Variants in AHCYL2 observed in about 807,000 individuals in gnomAD.
AHCYL2 encodes adenosylhomocysteinase like 2.
A neutral mutation model predicts 81.4 loss-of-function variants in AHCYL2; 28 were observed. The ratio of observed to expected loss-of-function variants is 0.34; its 90% CI spans 0.25 to 0.47. The LOEUF (loss-of-function observed/expected upper bound fraction) is 0.47, where lower values mean the gene tolerates loss of function less well. AHCYL2 is among the 20% of genes least tolerant of loss of function. AHCYL2 has a pLI of 1.00. For synonymous variants in AHCYL2, 272 were observed against 290.2 expected (o/e 0.94, Z 0.64); for missense variants, 551 against 785.1 (o/e 0.70, Z 3.56).
chr7:129,243,707 G>A (rs1018167410), intron 1 of AHCYL2, among the ~76,000 whole-genome samples: 2 of 151,566 alleles, frequency 1.3e-5, no homozygotes, highest in Non-Finnish European at 2.9e-5. Context: ...TCAGCCTCCC[G>A]AGTAGCTGGG....
intron 1 of AHCYL2, among the ~76,000 whole-genome samples, chr7:129,364,111 C>T (rs1442780489): frequency 1.3e-5 from 2 of 151,822 alleles, no homozygotes; most frequent in Admixed American, 1.3e-4. Flanking sequence ...TGGTGGTGCA[C>T]ACCTGTAGTC....
chr7:129,388,831 T>G, intron 2 of AHCYL2: 2 of 462,118 alleles, frequency 4.3e-6, no homozygotes, highest in Non-Finnish European at 3.8e-6. Flanking sequence ...GTTCTGAAGA[T>G]AAAGTTAGCC....
At chr7:129,318,717 A>G (rs946598737) in intron 1 of AHCYL2, among the ~76,000 whole-genome samples, 29 of 152,296 alleles carry the variant, frequency 1.9e-4, no homozygotes, top group East Asian at 7.7e-4. Context: ...ACCATGGGAG[A>G]ATTAAAAAAC....
intron 1 of AHCYL2, among the ~76,000 whole-genome samples, chr7:129,245,908 C>T (rs182322039): frequency 2.0e-5 from 3 of 152,132 alleles, no homozygotes; most frequent in East Asian, 1.9e-4. Context: ...TTATTTCTGA[C>T]GTTTTGCAAA....
At chr7:129,298,402 C>A (rs1352811029) in intron 1 of AHCYL2, among the ~76,000 whole-genome samples, 2 of 152,176 alleles carry the variant, frequency 1.3e-5, no homozygotes, top group Non-Finnish European at 2.9e-5. Flanking sequence ...ATTTCCGTTA[C>A]AACTGGTATC....
At chr7:129,306,193 C>G (rs1797435328) in intron 1 of AHCYL2, among the ~76,000 whole-genome samples, 1 of 152,170 alleles carries the variant, frequency 6.6e-6, no homozygotes, top group Non-Finnish European at 1.5e-5. Flanking sequence ...ATGTCTGTCT[C>G]TACCTTCTCT....
intron 1 of AHCYL2, among the ~76,000 whole-genome samples, chr7:129,327,874 G>A (rs1034474587): frequency 6.6e-6 from 1 of 151,752 alleles, no homozygotes; most frequent in African/African-American, 2.4e-5. Flanking sequence ...ACTCACTGCA[G>A]CCTCAAACTC....
chr7:129,365,551 C>T (rs1409479220), intron 1 of AHCYL2, among the ~76,000 whole-genome samples: 1 of 150,426 alleles, frequency 6.6e-6, no homozygotes, highest in Admixed American at 6.7e-5. Context: ...ATTCCAAAAC[C>T]AGTGTTCATG....
chr7:129,289,703 T>C (rs913573760), intron 1 of AHCYL2, among the ~76,000 whole-genome samples: 10 of 152,194 alleles, frequency 6.6e-5, no homozygotes, highest in African/African-American at 2.4e-4. Context: ...CATAAACTCT[T>C]GGGTTTAAAC....
chr7:129,413,120 G>T (rs1443094815), intron 11 of AHCYL2, among the ~76,000 whole-genome samples: 1 of 150,074 alleles, frequency 6.7e-6, no homozygotes, highest in Admixed American at 6.6e-5. Flanking sequence ...GGGATAACAG[G>T]CATGAGTGAG....
chr7:129,293,204 T>G (rs1796930773), intron 1 of AHCYL2, among the ~76,000 whole-genome samples: 1 of 152,070 alleles, frequency 6.6e-6, no homozygotes, highest in South Asian at 2.1e-4. Context: ...TTGTAATGGT[T>G]GCGGAAAAGG....
At chr7:129,314,011 C>T (rs373483180) in intron 1 of AHCYL2, among the ~76,000 whole-genome samples, 19 of 152,108 alleles carry the variant, frequency 1.2e-4, no homozygotes, top group African/African-American at 3.9e-4. Context: ...AAAAAGGAGT[C>T]GAGATCAAGT....
intron 1 of AHCYL2, among the ~76,000 whole-genome samples, chr7:129,293,213 G>A (rs766984764): frequency 5.3e-5 from 8 of 151,886 alleles, no homozygotes; most frequent in Non-Finnish European, 7.4e-5. Flanking sequence ...TTGCGGAAAA[G>A]GAATTTTTAA....
Position 129,225,121 on chromosome 7 carries a change from T to A in AHCYL2, c.45T>A (p.Pro15=). ...VVSAAAAAKV[P]EVELKDLSPS... is the part of the protein sequence containing the mutation. Reference sequence around the variant, plus strand: ...CAGCCGCGGCTGCCGCCAAGGTGCCTGAGGTGGAGCTGAAGGACCTGAGCC... The same window carrying A: ...CAGCCGCGGCTGCCGCCAAGGTGCCAGAGGTGGAGCTGAAGGACCTGAGCC... Residue 15 remains proline, a synonymous_variant, in exon 1 of 17, where the codon CCT becomes CCA. Coordinates refer to ENST00000325006, the MANE Select transcript of AHCYL2 (RefSeq NM_015328.4). 3.1e-6 allele frequency: 5 copies of A among 1,602,228 alleles called. No homozygotes were observed. Among genetic ancestry groups the A allele is most frequent in the Non-Finnish European group, 4.3e-6 (5 of 1,175,638 alleles).
Position 129,405,910 on chromosome 7 carries a change from A to G in AHCYL2, c.1206+11A>G, listed in dbSNP as rs375922127. The G allele has an allele frequency of 6.3e-5, 101 of 1,611,066 alleles. No homozygotes were observed. Among genetic ancestry groups the G allele is most frequent in the Non-Finnish European group, 8.2e-5 (97 of 1,178,804 alleles). On this transcript the variant is annotated intron_variant, in intron 9 of 16. Transcript: ENST00000325006. ...TGTGGCTATGGAGAGGTGAAGTTTA[A>G]CCTTTTGTTTATTAGGTGTTTTAAA...
chr7:129,227,457 CAAAAAAA>C (rs58088647), intron 1 of AHCYL2, among the ~76,000 whole-genome samples: 2 of 70,260 alleles, frequency 2.8e-5, no homozygotes, highest in Non-Finnish European at 6.1e-5. Flanking sequence ...CCTCTCTCTC[CAAAAAAA>C]AAAAAAAAAA....
At chr7:129,339,477 T>A (rs1196353357) in intron 1 of AHCYL2, among the ~76,000 whole-genome samples, 1 of 152,238 alleles carries the variant, frequency 6.6e-6, no homozygotes, top group Non-Finnish European at 1.5e-5. Flanking sequence ...TTTCAGTAGT[T>A]ATGTATCCAT....
chr7:129,365,717 G>A (rs2150849140), intron 1 of AHCYL2, among the ~76,000 whole-genome samples: 1 of 150,454 alleles, frequency 6.6e-6, no homozygotes, highest in Non-Finnish European at 1.5e-5. Flanking sequence ...GAACAGAAAG[G>A]GATAGATGAA....
intron 1 of AHCYL2, among the ~76,000 whole-genome samples, chr7:129,372,598 A>T (rs1794462891): frequency 6.6e-6 from 1 of 152,158 alleles, no homozygotes; most frequent in South Asian, 2.1e-4. Flanking sequence ...ACCTGAGGTC[A>T]GGAGTTCGAG....
Sources: allele counts gnomAD v4.1 joint callset (sites outside exome capture counted in the v4.1 genomes callset), GRCh38; gene constraint gnomAD v4.1.1; transcripts MANE v1.5; gene names NCBI Gene and HGNC (gene_info 2026-07-23, HGNC 2026-07-21).